KIAA1671: variants seen among roughly 807,000 people sequenced by gnomAD.
KIAA1671 encodes KIAA1671.
In KIAA1671, 52 loss-of-function variants were observed where a neutral mutation model predicts 131.2. That is an observed-to-expected ratio of 0.40 (90% confidence interval 0.32 to 0.50). The LOEUF (loss-of-function observed/expected upper bound fraction) is 0.50. Ranked by LOEUF, KIAA1671 falls within the 20% of genes least tolerant of loss-of-function variation. The pLI is 0.73. For missense variants in KIAA1671, 2,360 were observed against 2,364.2 expected (o/e 1.00, Z 0.04); for synonymous variants, 1,003 against 961.6 (o/e 1.04, Z -0.80).
chr22:25,027,810 C>T (rs1384847753), intron 2 of KIAA1671, 135 bp from the exon 3 acceptor site: 14 of 497,474 alleles, frequency 2.8e-5, no homozygotes, highest in South Asian at 2.1e-4. Context: ...CCAAGCCTGC[C>T]GGGTGAGGTC....
chr22:24,967,909 C>G (rs1318929678), intron 1 of KIAA1671, among the ~76,000 whole-genome samples: 2 of 152,078 alleles, frequency 1.3e-5, no homozygotes, highest in African/African-American at 4.8e-5. Context: ...AGGAGAATGG[C>G]GTGAACCCAG....
At chr22:25,183,816 CT>C (rs1300645269) in intron 10 of KIAA1671, among the ~76,000 whole-genome samples, 3 of 150,488 alleles carry the variant, frequency 2.0e-5, no homozygotes, top group African/African-American at 7.3e-5. Flanking sequence ...GCCACCGCAT[CT>C]GGCCTTCCTC....
intron 1 of KIAA1671, among the ~76,000 whole-genome samples, chr22:24,983,927 C>T (rs1020907771): frequency 3.3e-5 from 5 of 152,022 alleles, no homozygotes; most frequent in Admixed American, 2.6e-4. Flanking sequence ...TACAGGCATG[C>T]ACCACCACGC....
chr22:25,153,921 C>G (rs1278270668), intron 6 of KIAA1671, among the ~76,000 whole-genome samples: 1 of 152,230 alleles, frequency 6.6e-6, no homozygotes, highest in Non-Finnish European at 1.5e-5. Context: ...AACCTGGTGT[C>G]TCTTCCATGA....
chr22:25,040,315 C>T lies in KIAA1671; in HGVS notation c.3185C>T (p.Ser1062Leu), dbSNP rs1264243527. Residue 1062 changes from serine to leucine, a missense_variant, in exon 5 of 13, where the codon TCG (serine) becomes TTG (leucine). By Grantham distance (145) the Ser-to-Leu change is moderately radical (BLOSUM62 -2). Around this residue, in one of 3 missense-constraint regions of KIAA1671, gnomAD observed 1,161 missense variants for 1,204.7 expected, o/e 0.96. Transcript: ENST00000358431. ...LEHSRKITPP[S>L]SPHSLTSTLV... The stretch of plus-strand genomic sequence containing the variant: ...CATTCTAGAAAAATCACTCCACCCT[C>T]GTCTCCTCATTCTTTAACATCCACT... The T allele has an allele frequency of 1.2e-5, 19 of 1,551,632 alleles. No homozygotes were observed. Among genetic ancestry groups the T allele is most frequent in the South Asian group, 3.6e-5 (3 of 84,064 alleles).
chr22:25,002,757 A>G (rs1176333740), intron 1 of KIAA1671, among the ~76,000 whole-genome samples: 1 of 151,196 alleles, frequency 6.6e-6, no homozygotes, highest in African/African-American at 2.4e-5. Flanking sequence ...AATTCAGTCC[A>G]TTGAACTTTG....
At chr22:25,125,509 G>T (rs751611445) in intron 6 of KIAA1671, among the ~76,000 whole-genome samples, 8 of 152,316 alleles carry the variant, frequency 5.3e-5, no homozygotes, top group Non-Finnish European at 1.0e-4. Context: ...AGTGGATTGA[G>T]AGATTTGGGG....
intron 6 of KIAA1671, among the ~76,000 whole-genome samples, chr22:25,166,006 GAGGGACGTGGGGGGCTGTGGA>G (rs1453079804): frequency 2.0e-5 from 3 of 152,202 alleles, no homozygotes; most frequent in African/African-American, 7.2e-5. Context: ...CCCTTACCCG[GAGGGACGTGGGGGGCTGTGGA>G]AGGGCTTTGA....
chr22:25,178,266 C>A (rs1934111360), intron 9 of KIAA1671, among the ~76,000 whole-genome samples: 1 of 152,196 alleles, frequency 6.6e-6, no homozygotes, highest in East Asian at 1.9e-4. Context: ...GGCCTAGAGT[C>A]AGGCCTCGAC....
At chr22:24,965,773 G>A (rs1302814397) in intron 1 of KIAA1671, among the ~76,000 whole-genome samples, 1 of 150,842 alleles carries the variant, frequency 6.6e-6, no homozygotes, top group Non-Finnish European at 1.5e-5. Context: ...AAAAGGATGA[G>A]CTTAAGGTTT....
intron 1 of KIAA1671, among the ~76,000 whole-genome samples, chr22:24,990,116 G>T (rs570464660): frequency 6.6e-6 from 1 of 152,180 alleles, no homozygotes; most frequent in East Asian, 1.9e-4. Context: ...TTTAGACAGA[G>T]TCTTGCTCTT....
At chr22:25,058,716 C>A (rs1197484259) in intron 6 of KIAA1671, 2 of 152,160 alleles carry the variant, frequency 1.3e-5, no homozygotes, top group African/African-American at 4.8e-5. Flanking sequence ...GTAACAGGGT[C>A]ATGGATTCCG....
chr22:25,044,010 T>C (rs1927085579), intron 5 of KIAA1671, among the ~76,000 whole-genome samples: 1 of 141,362 alleles, frequency 7.1e-6, no homozygotes, highest in South Asian at 2.1e-4. Flanking sequence ...TAGGATACAG[T>C]CAGTAATGAT....
intron 6 of KIAA1671, among the ~76,000 whole-genome samples, chr22:25,091,382 G>C (rs1043415729): frequency 2.0e-5 from 3 of 152,092 alleles, no homozygotes; most frequent in African/African-American, 7.2e-5. Flanking sequence ...TCAAGCAAAG[G>C]TGTTGTTTGT....
At chr22:24,989,332 G>C (rs1923713546) in intron 1 of KIAA1671, among the ~76,000 whole-genome samples, 2 of 152,290 alleles carry the variant, frequency 1.3e-5, no homozygotes, top group Middle Eastern at 3.4e-3. Context: ...TGTGCTTGCA[G>C]GGGGGTCACA....
At chr22:25,190,924 G>A in intron 12 of KIAA1671, 140 bp downstream of exon 12, 1 of 632,766 alleles carries the variant, frequency 1.6e-6, no homozygotes, top group Non-Finnish European at 2.8e-6. Flanking sequence ...GAGGGGTGGG[G>A]GGTGTTCTGA....
At chr22:25,189,619 T>C (rs1934601449) in intron 11 of KIAA1671, among the ~76,000 whole-genome samples, 1 of 152,222 alleles carries the variant, frequency 6.6e-6, no homozygotes, top group Non-Finnish European at 1.5e-5. Context: ...TCTAGAATAG[T>C]GTCTGACCAA....
intron 6 of KIAA1671, among the ~76,000 whole-genome samples, chr22:25,130,772 C>G (rs1223392082): frequency 1.3e-5 from 2 of 152,170 alleles, no homozygotes; most frequent in African/African-American, 4.8e-5. Context: ...CCTCTCCCCA[C>G]TGCCCTCGAA....
intron 10 of KIAA1671, among the ~76,000 whole-genome samples, chr22:25,183,614 C>G (rs952139487): frequency 6.6e-6 from 1 of 151,826 alleles, no homozygotes; most frequent in Admixed American, 6.6e-5. Flanking sequence ...GCTCCGCCTC[C>G]CGGGTTCAAG....
Sources: gnomAD v4.1 joint callset for allele counts (sites outside exome capture counted in the v4.1 genomes callset) on GRCh38, gnomAD v4.1.1 for gene constraint, gnomAD v4.1.1 regional missense constraint, MANE v1.5 for transcripts, NCBI Gene and HGNC (gene_info 2026-07-23, HGNC 2026-07-21) for gene names.